MAPK6: variants seen among roughly 807,000 people sequenced by gnomAD.
The protein encoded by MAPK6 is mitogen-activated protein kinase 6, also known as ERK-3.
In MAPK6, 19 loss-of-function variants were observed where a neutral mutation model predicts 59.3. The ratio of observed to expected loss-of-function variants is 0.32; its 90% CI spans 0.22 to 0.47. The LOEUF (loss-of-function observed/expected upper bound fraction) is 0.47. MAPK6 is among the 20% of genes least tolerant of loss of function. The pLI is 1.00. For missense variants in MAPK6, 724 were observed against 847.9 expected, an observed-to-expected ratio of 0.85 and a Z score of 1.81; for synonymous variants, 316 against 290.3, an observed-to-expected ratio of 1.09 and a Z score of -0.90.
chr15:52,062,630 T>A (rs530030880), intron 5 of MAPK6, among the ~76,000 whole-genome samples: 81 of 152,162 alleles, frequency 5.3e-4, no homozygotes, highest in Middle Eastern at 6.8e-3. Context: ...CCAGGCTTGA[T>A]GGCGGGCTCT....
In MAPK6 at chr15:52,060,644, A is replaced by G. The variant is rs567342489; in HGVS notation, c.866-655A>G. 2.2e-3 allele frequency among the ~76,000 whole-genome samples: 341 copies of G among 152,220 alleles called. 5 individuals carry two copies. Among genetic ancestry groups the G allele is most frequent in the Non-Finnish European group, 2.4e-3 (166 of 67,990 alleles). ...AATATAGCTTTCAGGCTGCGTGAGG[A>G]ACTAAGGAAGGCCTACTAGACTATT... On this transcript the variant is annotated intron_variant, in intron 4 of 5. Transcript: ENST00000261845.
At chr15:52,041,644 T>A (rs1422169898) in intron 1 of MAPK6, among the ~76,000 whole-genome samples, 1 of 152,226 alleles carries the variant, frequency 6.6e-6, no homozygotes, top group Non-Finnish European at 1.5e-5. Context: ...GCTCCGTGAT[T>A]GATGTGAAAG....
intron 2 of MAPK6, among the ~76,000 whole-genome samples, chr15:52,049,347 T>C (rs1021319672): frequency 1.2e-4 from 17 of 138,528 alleles, no homozygotes; most frequent in Admixed American, 5.4e-4. Context: ...CCTAGAGTTA[T>C]ATAATTTTTT....
At position 52,046,987 on chromosome 15, in the gene MAPK6, G is replaced by A. The variant is rs765450216; in HGVS notation, c.527G>A (p.Arg176Gln). 6.3e-7 allele frequency: 1 copy of A among 1,581,752 alleles called. No homozygotes were observed. Among genetic ancestry groups the A allele is most frequent in the Non-Finnish European group, 8.6e-7 (1 of 1,165,646 alleles). ...VLKIGDFGLARIMDPHYSHKG... is the reference protein window; with the variant it reads ...VLKIGDFGLAQIMDPHYSHKG... Reference sequence around the variant, plus strand: ...AAGATAGGTGACTTTGGTCTTGCACGGATCATGGATCCTCATTATTCCCAT... The same window carrying A: ...AAGATAGGTGACTTTGGTCTTGCACAGATCATGGATCCTCATTATTCCCAT... Residue 176 changes from arginine (R) to glutamine (Q), a missense_variant, in exon 2 of 6, where the codon CGG (arginine) becomes CAG (glutamine). This residue lies in a region of MAPK6 where 105 missense variants were observed against 191.9 expected (regional missense o/e 0.55). Transcript: ENST00000261845.
chr15:52,063,399 C>T (rs760995051), intron 5 of MAPK6, among the ~76,000 whole-genome samples: 1 of 152,192 alleles, frequency 6.6e-6, no homozygotes, highest in African/African-American at 2.4e-5. Context: ...GTTATCTAAT[C>T]TCTTTTCTTT....
chr15:51,981,769 A>G (rs1250446077), intron 1 of MAPK6, among the ~76,000 whole-genome samples: 1 of 152,190 alleles, frequency 6.6e-6, no homozygotes, highest in Non-Finnish European at 1.5e-5. Context: ...GGAGGAAAGA[A>G]TCAGAAGGAA....
At chr15:52,031,846 A>T (rs1251385408) in intron 1 of MAPK6, among the ~76,000 whole-genome samples, 3 of 152,094 alleles carry the variant, frequency 2.0e-5, no homozygotes, top group Non-Finnish European at 2.9e-5. Flanking sequence ...ATAAAATAAA[A>T]ATTTCACCAT....
chr15:52,060,543 CAG>C (rs2032159851), intron 4 of MAPK6, among the ~76,000 whole-genome samples: 2 of 152,152 alleles, frequency 1.3e-5, no homozygotes, highest in East Asian at 1.9e-4. Context: ...GGCCAGGGAG[CAG>C]AGAGAGTAGA....
intron 3 of MAPK6, among the ~76,000 whole-genome samples, chr15:52,054,786 A>G (rs546432710): frequency 1.3e-5 from 2 of 152,048 alleles, no homozygotes; most frequent in South Asian, 4.2e-4. Context: ...ACATATATAT[A>G]TAATTTTTTT....
chr15:52,013,399 ACT>A (rs1401075689), intron 3 of MAPK6, among the ~76,000 whole-genome samples: 4 of 152,098 alleles, frequency 2.6e-5, no homozygotes, highest in African/African-American at 9.6e-5. Context: ...GTATTGCGAA[ACT>A]CTATTTTCCA....
chr15:51,984,447 A>ATTTTT lies in MAPK6; in HGVS notation c.-770+1157_-770+1161dup, dbSNP rs71130112. Among the ~76,000 whole-genome samples, 205 of 69,960 alleles carry ATTTTT rather than the reference A, an allele frequency of 2.9e-3. 5 individuals carry two copies. Among genetic ancestry groups the ATTTTT allele is most frequent in the East Asian group, 0.01 (16 of 1,548 alleles). The allele number at this position is 69,960 out of a possible 152,430, so 45.9% of individuals were successfully genotyped here. On this transcript the variant is annotated intron_variant, in intron 2 of 7. Transcript: ENST00000691380. ...CAGGCGCCTGCCAACACGCCGGCTA[A>ATTTTT]TTTTTTTTTTTTTTTTTTTTTTTTT...
At chr15:51,997,912 T>C (rs1333758656) in intron 2 of MAPK6, among the ~76,000 whole-genome samples, 4 of 144,060 alleles carry the variant, frequency 2.8e-5, no homozygotes, top group Non-Finnish European at 6.0e-5. Context: ...TTTTCTTTCT[T>C]TTCTTTCTTT....
upstream of MAPK6, among the ~76,000 whole-genome samples, chr15:52,016,068 G>GCGCGCGCGCGCGCACACACACACA (rs2030245584): frequency 2.8e-5 from 1 of 35,610 alleles, no homozygotes; most frequent in Non-Finnish European, 6.3e-5. Flanking sequence ...GCGCGCGCGC[G>GCGCGCGCGCGCGCACACACACACA]CGCACACACA....
At chr15:52,004,562 GA>G (rs1158831043) in intron 3 of MAPK6, among the ~76,000 whole-genome samples, 4 of 152,018 alleles carry the variant, frequency 2.6e-5, no homozygotes, top group African/African-American at 7.2e-5. Flanking sequence ...ATTTATAAAG[GA>G]AAAAAATTTA....
intron 1 of MAPK6, among the ~76,000 whole-genome samples, chr15:52,036,878 A>G (rs2141887608): frequency 6.6e-6 from 1 of 152,122 alleles, no homozygotes; most frequent in Admixed American, 6.5e-5. Flanking sequence ...AAGTAAAGGA[A>G]TAAAAGAATG....
At chr15:52,035,912 A>AT (rs201571600) in intron 1 of MAPK6, among the ~76,000 whole-genome samples, 29 of 149,124 alleles carry the variant, frequency 1.9e-4, no homozygotes, top group East Asian at 1.8e-3. Flanking sequence ...TAGCTCTCTG[A>AT]TTTTTTTTTT....
rs371377422 is a variant in MAPK6 at position 51,973,395 on chromosome 15, G to A, written c.-880+1489G>A. Reference sequence around the variant, plus strand: ...GTGTCTCTGTTGCCTAGGCTGGAGCGCAGTGGCGCCATCATAGCTCACTGC... The same window carrying A: ...GTGTCTCTGTTGCCTAGGCTGGAGCACAGTGGCGCCATCATAGCTCACTGC... On this transcript the variant is annotated intron_variant, in intron 1 of 7. Coordinates refer to the MAPK6 transcript ENST00000691380. 1.2e-4 allele frequency among the ~76,000 whole-genome samples: 18 copies of A among 151,846 alleles called. No individual in the cohort carries two copies. The East Asian group carries it at 1.7e-3, about 15-fold the overall frequency.
Position 52,046,480 on chromosome 15 carries a change from G to A in MAPK6, c.20G>A (p.Ser7Asn). 6.2e-7 allele frequency: 1 copy of A among 1,601,220 alleles called. No homozygotes were observed. Among genetic ancestry groups the A allele is most frequent in the Non-Finnish European group, 8.5e-7 (1 of 1,174,706 alleles). Residue 7 changes from serine (S) to asparagine (N), a missense_variant, in exon 2 of 6, where the codon AGT becomes AAT. Physicochemically the swap from Ser to Asn is conservative, Grantham distance 46. This residue lies in a region of MAPK6 where 30 missense variants were observed against 55.3 expected (regional missense o/e 0.54). Transcript: ENST00000261845. MAEKFE[S>N]LMNIHGFDLG... ...TTCAAAATGGCAGAGAAATTTGAAA[G>A]TCTCATGAACATTCATGGTTTTGAT...
At chr15:52,040,254 A>C (rs893502523) in intron 1 of MAPK6, among the ~76,000 whole-genome samples, 6 of 152,260 alleles carry the variant, frequency 3.9e-5, no homozygotes, top group African/African-American at 1.4e-4. Flanking sequence ...AGAAAAGCTC[A>C]ACCTTTCCCT....
Sources: gnomAD v4.1 joint callset for allele counts (sites outside exome capture counted in the v4.1 genomes callset) on GRCh38, gnomAD v4.1.1 for gene constraint, gnomAD v4.1.1 regional missense constraint, MANE v1.5 for transcripts, NCBI Gene and HGNC (gene_info 2026-07-23, HGNC 2026-07-21) for gene names.